The following ERICH2 variants were observed in gnomAD, a reference collection of about 807,000 sequenced individuals.
The protein encoded by ERICH2 is glutamate rich 2.
A neutral mutation model predicts 17.4 loss-of-function variants in ERICH2; 17 were observed. The observed-to-expected ratio is 0.98, with a 90% CI of 0.67 to 1.47. ERICH2 has a LOEUF of 1.47. Ranked by LOEUF, ERICH2 falls within the 40% of genes most tolerant of loss-of-function variation. The pLI is 0.00. For synonymous variants in ERICH2, 51 were observed against 61.1 expected (o/e 0.83, Z 0.77); for missense variants, 186 against 183.2 (o/e 1.01, Z -0.09).
chr2:170,784,898 A>T, intron 2 of ERICH2, 65 bp downstream of exon 7: 1 of 1,253,320 alleles, frequency 8.0e-7, no homozygotes, highest in Non-Finnish European at 1.0e-6. Context: ...AAGACTGAAG[A>T]TTTAAAATCA....
upstream of ERICH2, among the ~76,000 whole-genome samples, chr2:170,782,086 G>T (rs886253240): frequency 1.3e-5 from 2 of 151,812 alleles, no homozygotes; most frequent in Non-Finnish European, 2.9e-5. Context: ...AAAATAATTT[G>T]TAATGCTTTT....
At chr2:170,797,433 C>T (rs73021502) in intron 3 of ERICH2, among the ~76,000 whole-genome samples, 22 of 152,224 alleles carry the variant, frequency 1.4e-4, no homozygotes, top group African/African-American at 5.1e-4. Context: ...TCATGAAACA[C>T]TCTGGCTACT....
upstream of ERICH2, among the ~76,000 whole-genome samples, chr2:170,781,631 T>TAAA (rs59729388): frequency 7.9e-6 from 1 of 127,142 alleles, no homozygotes; most frequent in Non-Finnish European, 1.7e-5. Context: ...AGACTTGGTC[T>TAAA]AAAAAAAAAA....
the ERICH2 span, among the ~76,000 whole-genome samples, chr2:170,774,765 C>T: frequency 6.6e-6 from 1 of 151,158 alleles, no homozygotes; most frequent in South Asian, 2.1e-4. Flanking sequence ...TTAGTAGAGA[C>T]GGGGTTTCAT....
the ERICH2 span, chr2:170,777,401 A>C: frequency 8.5e-7 from 1 of 1,171,640 alleles, no homozygotes; most frequent in South Asian, 4.3e-5. Flanking sequence ...ACAGAATGGC[A>C]GATTGCTAAT....
intron 2 of ERICH2, among the ~76,000 whole-genome samples, chr2:170,787,867 T>C (rs1003390836): frequency 6.6e-6 from 1 of 152,224 alleles, no homozygotes; most frequent in African/African-American, 2.4e-5. Flanking sequence ...CTAAGAAATA[T>C]CACTGTCCTG....
chr2:170,779,810 G>A (rs949234877), upstream of ERICH2: 7 of 983,070 alleles, frequency 7.1e-6, no homozygotes, highest in Admixed American at 1.2e-4. Flanking sequence ...CTCTTTGGAC[G>A]CAGACCAAGA....
intron 2 of ERICH2, among the ~76,000 whole-genome samples, chr2:170,786,375 G>A (rs1374401528): frequency 6.6e-6 from 1 of 151,930 alleles, no homozygotes; most frequent in Non-Finnish European, 1.5e-5. Flanking sequence ...TTTCAGAAGA[G>A]ATATCCGTTG....
At chr2:170,788,722 C>T (rs559698977) in intron 2 of ERICH2, among the ~76,000 whole-genome samples, 2 of 151,966 alleles carry the variant, frequency 1.3e-5, no homozygotes, top group African/African-American at 2.4e-5. Flanking sequence ...TGTGATTCAC[C>T]TCCCTTGGCC....
At chr2:170,784,952 T>C (rs1018054437) in intron 2 of ERICH2, 119 bp downstream of exon 7, 2 of 831,884 alleles carry the variant, frequency 2.4e-6, no homozygotes, top group African/African-American at 3.5e-5. Flanking sequence ...AGGCAGAACA[T>C]AGAATGGTGG....
chr2:170,770,847 C>CCCCGGACCCGCCT, the ERICH2 span: 1 of 147,968 alleles, frequency 6.8e-6, no homozygotes, highest in Non-Finnish European at 1.5e-5. Context: ...CGCCCCGCCC[C>CCCCGGACCCGCCT]CCCGGACCCG....
At chr2:170,796,436 T>G (rs1313007693) in intron 3 of ERICH2, among the ~76,000 whole-genome samples, 10 of 27,118 alleles carry the variant, frequency 3.7e-4, no homozygotes, top group African/African-American at 8.3e-4. Context: ...TTGTTTTTTT[T>G]TTTGTTTTTT....
At chr2:170,777,943 A>AT in the ERICH2 span, 1 of 352,388 alleles carries the variant, frequency 2.8e-6, no homozygotes, top group Non-Finnish European at 5.1e-6. Context: ...TGTATTCTGT[A>AT]TTTTACTTGT....
chr2:170,787,507 T>A (rs1194678985), intron 2 of ERICH2, among the ~76,000 whole-genome samples: 1 of 152,252 alleles, frequency 6.6e-6, no homozygotes, highest in Non-Finnish European at 1.5e-5. Context: ...GGTAAGAACA[T>A]GAGCTGCTCT....
At chr2:170,773,688 A>G in the ERICH2 span, among the ~76,000 whole-genome samples, 1 of 152,204 alleles carries the variant, frequency 6.6e-6, no homozygotes, top group Non-Finnish European at 1.5e-5. Flanking sequence ...TATATGTGAC[A>G]TGTAGTAGGT....
chr2:170,774,087 GT>G, the ERICH2 span, among the ~76,000 whole-genome samples: 1 of 152,178 alleles, frequency 6.6e-6, no homozygotes, highest in Admixed American at 6.5e-5. Context: ...AAACTGTGCT[GT>G]TCCCATTGCC....
chr2:170,797,194 T>C (rs1701447131), intron 3 of ERICH2, among the ~76,000 whole-genome samples: 1 of 152,192 alleles, frequency 6.6e-6, no homozygotes, highest in African/African-American at 2.4e-5. Context: ...TCAGTTCCCC[T>C]ATTGGAAAGA....
intron 2 of ERICH2, among the ~76,000 whole-genome samples, chr2:170,791,501 C>T (rs895644325): frequency 1.4e-5 from 2 of 144,306 alleles, no homozygotes; most frequent in African/African-American, 5.1e-5. Flanking sequence ...ACCATCCTGG[C>T]TAACATGGTG....
chr2:170,794,365 C>T (rs1057243593), intron 3 of ERICH2, among the ~76,000 whole-genome samples: 19 of 152,204 alleles, frequency 1.2e-4, no homozygotes, highest in African/African-American at 4.3e-4. Context: ...GCCTCAGCCT[C>T]CCAAAGTGCT....
Sources: allele counts gnomAD v4.1 joint callset (sites outside exome capture counted in the v4.1 genomes callset), GRCh38; gene constraint gnomAD v4.1.1; transcripts MANE v1.5; gene names NCBI Gene and HGNC (gene_info 2026-07-23, HGNC 2026-07-21).